Variants in TAFA2 observed in about 807,000 individuals in gnomAD.
The protein encoded by TAFA2 is TAFA chemokine like family member 2.
A neutral mutation model predicts 18.8 loss-of-function variants in TAFA2; 7 were observed. The ratio of observed to expected loss-of-function variants is 0.37; its 90% confidence interval spans 0.21 to 0.70. TAFA2 has a LOEUF of 0.70. TAFA2 is among the 30% of genes least tolerant of loss of function. The pLI is 0.53. For synonymous variants in TAFA2, 60 were observed against 54.2 expected (o/e 1.11, Z -0.47); for missense variants, 122 against 158.1 (o/e 0.77, Z 1.23).
rs1165107666 is a variant in TAFA2 at position 61,791,409 on chromosome 12, T to C, written c.107-36385A>G. ...ATACAAAAAAGCTTCAGCATAGCAA[T>C]GGAAACAATCAGCAGAGTGAAGAGA... On this transcript the variant is annotated intron_variant, in intron 2 of 4. Coordinates refer to ENST00000416284, the MANE Select transcript of TAFA2 (RefSeq NM_178539.5). Among the ~76,000 whole-genome samples the C allele has an allele frequency of 3.3e-5, 5 of 151,286 alleles. No homozygotes were observed. In the East Asian group the frequency reaches 9.7e-4, roughly 29 times the overall value.
chr12:61,859,997 A>G (rs1376517083), intron 2 of TAFA2, among the ~76,000 whole-genome samples: 1 of 152,260 alleles, frequency 6.6e-6, no homozygotes, highest in Non-Finnish European at 1.5e-5. Context: ...ACTCTTAGAA[A>G]CTAGCAACTC....
intron 2 of TAFA2, among the ~76,000 whole-genome samples, chr12:61,812,537 G>A (rs1431329684): frequency 4.0e-5 from 6 of 150,358 alleles, no homozygotes; most frequent in African/African-American, 1.2e-4. Context: ...GACATCCCCC[G>A]AACATGAACA....
In TAFA2 at chr12:61,720,010, G is replaced by A. The variant is rs569938644; in HGVS notation, c.385-9593C>T. Among the ~76,000 whole-genome samples the A allele has an allele frequency of 9.2e-5, 14 of 151,980 alleles. No individual in the cohort carries two copies. The East Asian group carries it at 9.7e-4, about 10-fold the overall frequency. ...TGAAGGATAGGGCAACACAGATGGC[G>A]ATGTTTAACATGTTGGGTGCTTTTG... On this transcript the variant is annotated intron_variant, in intron 4 of 4. Transcript: ENST00000416284.
At chr12:62,112,628 G>A (rs1029805299) in intron 1 of TAFA2, among the ~76,000 whole-genome samples, 4 of 152,068 alleles carry the variant, frequency 2.6e-5, no homozygotes, top group Non-Finnish European at 4.4e-5. Context: ...CCAATGAAAC[G>A]TAGGTTTGGT....
At chr12:61,976,613 T>C (rs1007969489) in intron 1 of TAFA2, among the ~76,000 whole-genome samples, 3 of 152,000 alleles carry the variant, frequency 2.0e-5, no homozygotes, top group Non-Finnish European at 2.9e-5. Flanking sequence ...TATGTATATA[T>C]GTGCCATGTT....
At chr12:62,232,538 G>C (rs1422857282) in intron 1 of TAFA2, among the ~76,000 whole-genome samples, 3 of 152,010 alleles carry the variant, frequency 2.0e-5, no homozygotes, top group East Asian at 1.9e-4. Context: ...TTCTGACATG[G>C]AGTCTCACTC....
At chr12:62,099,848 C>A (rs985353749) in intron 1 of TAFA2, among the ~76,000 whole-genome samples, 2 of 151,986 alleles carry the variant, frequency 1.3e-5, no homozygotes, top group African/African-American at 2.4e-5. Context: ...TCACTTCAGC[C>A]TAAGAGATGG....
chr12:61,815,902 T>TTCCG (rs1320108551), intron 2 of TAFA2, among the ~76,000 whole-genome samples: 4 of 151,284 alleles, frequency 2.6e-5, no homozygotes, highest in Non-Finnish European at 5.9e-5. Context: ...TCATGGAGCT[T>TTCCG]CTATTCTAGT....
chr12:62,255,421 CTT>C (rs1417012971), intron 1 of TAFA2: 1 of 152,198 alleles, frequency 6.6e-6, no homozygotes, highest in African/African-American at 2.4e-5. Flanking sequence ...TAAATTAACA[CTT>C]TCTTGAAAGT....
At chr12:61,905,560 G>T (rs1876310570) in intron 1 of TAFA2, among the ~76,000 whole-genome samples, 1 of 152,122 alleles carries the variant, frequency 6.6e-6, no homozygotes. Context: ...AAACTGCAAA[G>T]TTCTAAATAA....
In TAFA2 at chr12:61,885,316, T is replaced by C. The variant is rs190857833; in HGVS notation, c.-1-17890A>G. Among the ~76,000 whole-genome samples the C allele has an allele frequency of 1.5e-3, 229 of 152,256 alleles. 2 individuals are homozygous for C. Among genetic ancestry groups the C allele is most frequent in the Non-Finnish European group, 1.5e-3 (99 of 68,008 alleles). On this transcript the variant is annotated intron_variant, in intron 1 of 4. Coordinates refer to ENST00000416284, the MANE Select transcript of TAFA2 (RefSeq NM_178539.5). ...AGAGTAGAGAAGGAGTTCTTGGCAT[T>C]CACAATAGTTGCTCTTTTGCACAAA... is the stretch of plus-strand genomic sequence containing the variant.
chr12:61,750,179 T>C (rs887731269), intron 4 of TAFA2, among the ~76,000 whole-genome samples: 36 of 152,282 alleles, frequency 2.4e-4, no homozygotes, highest in Admixed American at 2.2e-3. Context: ...CTTTTATTAA[T>C]GACCCTTTGA....
intron 1 of TAFA2, among the ~76,000 whole-genome samples, chr12:62,041,179 GT>G (rs1436332787): frequency 6.6e-6 from 1 of 152,098 alleles, no homozygotes; most frequent in Non-Finnish European, 1.5e-5. Flanking sequence ...TGATTTAACT[GT>G]TTTCTTATGT....
chr12:61,919,648 G>A (rs571023315), intron 1 of TAFA2, among the ~76,000 whole-genome samples: 4 of 151,492 alleles, frequency 2.6e-5, no homozygotes, highest in Admixed American at 6.6e-5. Context: ...TTATTGTACT[G>A]TATATCTATT....
At chr12:62,136,380 TC>T (rs1477826802) in intron 1 of TAFA2, among the ~76,000 whole-genome samples, 1 of 152,142 alleles carries the variant, frequency 6.6e-6, no homozygotes, top group Non-Finnish European at 1.5e-5. Context: ...TTATGATTCT[TC>T]TGTCAACCCT....
At chr12:61,762,881 C>T (rs543669400) in intron 2 of TAFA2, among the ~76,000 whole-genome samples, 263 of 152,070 alleles carry the variant, frequency 1.7e-3, no homozygotes, top group Non-Finnish European at 2.9e-3. Flanking sequence ...CTGACTAGCT[C>T]CCTGGAGAAT....
chr12:62,000,523 C>T (rs1880344985), intron 1 of TAFA2, among the ~76,000 whole-genome samples: 1 of 146,226 alleles, frequency 6.8e-6, no homozygotes, highest in Admixed American at 7.3e-5. Flanking sequence ...CACCCTATGA[C>T]CTAACAATTT....
intron 1 of TAFA2, among the ~76,000 whole-genome samples, chr12:62,136,496 AT>A (rs1165631524): frequency 6.6e-6 from 1 of 152,144 alleles, no homozygotes; most frequent in East Asian, 1.9e-4. Flanking sequence ...TCAGAATATA[AT>A]TTCTCCTAAG....
chr12:61,868,749 C>A (rs1446781902), intron 1 of TAFA2, among the ~76,000 whole-genome samples: 1 of 151,982 alleles, frequency 6.6e-6, no homozygotes, highest in Non-Finnish European at 1.5e-5. Flanking sequence ...CATTTCTTAG[C>A]TTGAGGAGGT....
Sources: gnomAD v4.1 joint callset for allele counts (sites outside exome capture counted in the v4.1 genomes callset) on GRCh38, gnomAD v4.1.1 for gene constraint, MANE v1.5 for transcripts, NCBI Gene and HGNC (gene_info 2026-07-23, HGNC 2026-07-21) for gene names.